CEP85L: variants seen among roughly 807,000 people sequenced by gnomAD.
The protein encoded by CEP85L is centrosomal protein of 85 kDa-like.
CEP85L carries 60 observed loss-of-function variants against 100.3 expected under a neutral mutation model. That is an observed-to-expected ratio of 0.60 (90% CI 0.49 to 0.74). The LOEUF is 0.74. Among genes scored for constraint, CEP85L ranks in the 30% least tolerant of loss-of-function variants. CEP85L has a pLI of 0.00. For missense variants in CEP85L, 973 were observed against 936.2 expected, an observed-to-expected ratio of 1.04 and a Z score of -0.51; for synonymous variants, 319 against 322.7, an observed-to-expected ratio of 0.99 and a Z score of 0.12.
At chr6:118,684,144 C>A (rs1164764295) in intron 1 of CEP85L, among the ~76,000 whole-genome samples, 1 of 152,118 alleles carries the variant, frequency 6.6e-6, no homozygotes, top group African/African-American at 2.4e-5. Flanking sequence ...TAAAAAATAG[C>A]GATTAAAAAT....
chr6:118,697,218 C>A (rs1408186188), intron 1 of CEP85L, among the ~76,000 whole-genome samples: 1 of 152,138 alleles, frequency 6.6e-6, no homozygotes, highest in Non-Finnish European at 1.5e-5. Context: ...GACACCTGTA[C>A]AAATCTGAAG....
upstream of CEP85L, chr6:118,652,031 G>T: frequency 2.1e-6 from 1 of 467,976 alleles, no homozygotes; most frequent in Non-Finnish European, 2.8e-6. Context: ...ATCCTCATCT[G>T]TATTCCTTCG....
At chr6:118,650,288 A>ATT (rs1346852613) in intron 1 of CEP85L, among the ~76,000 whole-genome samples, 1 of 152,220 alleles carries the variant, frequency 6.6e-6, no homozygotes, top group Non-Finnish European at 1.5e-5. Flanking sequence ...AAAACTCAAG[A>ATT]TTAAAAGTGC....
chr6:118,623,507 C>T (rs1773583921), intron 2 of CEP85L, among the ~76,000 whole-genome samples: 1 of 152,186 alleles, frequency 6.6e-6, no homozygotes, highest in Admixed American at 6.5e-5. Flanking sequence ...TTCCAAGGCA[C>T]TAGGAATACA....
chr6:118,547,448 A>G (rs1257795643), intron 3 of CEP85L, among the ~76,000 whole-genome samples: 1 of 152,118 alleles, frequency 6.6e-6, no homozygotes, highest in African/African-American at 2.4e-5. Context: ...AGCCTCATTA[A>G]CTGAGATGTA....
Position 118,567,237 on chromosome 6 carries a change from GTGTGTGTGTGTGTATATATA to G in CEP85L, c.233-941_233-922del, listed in dbSNP as rs1382989895. On this transcript the variant is annotated intron_variant, in intron 2 of 12. Transcript: ENST00000368491. ...TGTGTGTGTGTGTGTGTGTGTGTGT[GTGTGTGTGTGTGTATATATA>G]TATATATATATATATATATATATAT... 9.2e-3 allele frequency among the ~76,000 whole-genome samples: 795 copies of G among 86,748 alleles called. 4 individuals carry two copies. The highest frequency in any genetic ancestry group is 0.015 in the African/African-American group (285 of 18,888). 56.9% of individuals were successfully genotyped at this position (86,748 alleles called of 152,430 possible).
chr6:118,696,525 AT>A (rs1346795697), intron 1 of CEP85L, among the ~76,000 whole-genome samples: 3 of 152,188 alleles, frequency 2.0e-5, no homozygotes, highest in Non-Finnish European at 4.4e-5. Flanking sequence ...AAAGGTCCAT[AT>A]TGTTGAGCTT....
rs965934880 is a variant in CEP85L, at chr6:118,461,611, A to G, written c.*3794T>C. 2 of 152,116 alleles carry G rather than the reference A, an allele frequency of 1.3e-5. No individual in the cohort carries two copies. Among genetic ancestry groups the G allele is most frequent in the African/African-American group, 4.8e-5 (2 of 41,456 alleles). 9.4% of individuals were successfully genotyped at this position (152,116 alleles called of 1,614,324 possible). On this transcript the variant is annotated 3_prime_UTR_variant, in exon 13 of 13. Transcript: ENST00000368491. Reference sequence around the variant, plus strand: ...ATTCTTATATTTAGCACTTTTTTAAATAAGAAAAAAAATCCAAAATCTTTC... The same window carrying G: ...ATTCTTATATTTAGCACTTTTTTAAGTAAGAAAAAAAATCCAAAATCTTTC...
intron 1 of CEP85L, among the ~76,000 whole-genome samples, chr6:118,663,867 CTGTTA>C (rs1312122399): frequency 6.6e-6 from 1 of 151,068 alleles, no homozygotes; most frequent in Non-Finnish European, 1.5e-5. Flanking sequence ...ATGTAAATAG[CTGTTA>C]TGTTGTTTTT....
intron 3 of CEP85L, among the ~76,000 whole-genome samples, chr6:118,526,909 T>A (rs1259390334): frequency 6.6e-6 from 1 of 151,758 alleles, no homozygotes; most frequent in Non-Finnish European, 1.5e-5. Flanking sequence ...TTGTTTAGCA[T>A]ATGATCAAGA....
chr6:118,662,561 GTTA>G (rs1776010255), intron 1 of CEP85L, among the ~76,000 whole-genome samples: 1 of 151,400 alleles, frequency 6.6e-6, no homozygotes, highest in Admixed American at 6.6e-5. Flanking sequence ...AATAGTATGA[GTTA>G]TTATTATCTC....
chr6:118,554,935 G>C (rs1289894189), intron 3 of CEP85L, among the ~76,000 whole-genome samples: 1 of 152,148 alleles, frequency 6.6e-6, no homozygotes, highest in East Asian at 1.9e-4. Context: ...CAACGTAGGG[G>C]ATGACTCCTG....
intron 2 of CEP85L, among the ~76,000 whole-genome samples, chr6:118,590,176 T>C (rs1466558607): frequency 6.6e-6 from 1 of 152,120 alleles, no homozygotes; most frequent in Non-Finnish European, 1.5e-5. Context: ...ATGCACTCCC[T>C]GCTGCAAACT....
chr6:118,686,953 C>T lies in CEP85L; in HGVS notation c.-28+23083G>A, dbSNP rs150888737. ...GCCTTTCCATAGCCACAGGACTCTA[C>T]CTCATCTGACCTCAGCTGACATGTT... On this transcript the variant is annotated intron_variant, in intron 1 of 13. Transcript: ENST00000368488. 3.3e-3 allele frequency among the ~76,000 whole-genome samples: 509 copies of T among 152,254 alleles called. 1 individual carries two copies. The highest frequency in any genetic ancestry group is 0.012 in the African/African-American group (490 of 41,548).
chr6:118,498,615 G>A (rs1213680138), intron 5 of CEP85L, among the ~76,000 whole-genome samples: 1 of 134,892 alleles, frequency 7.4e-6, no homozygotes, highest in African/African-American at 2.7e-5. Flanking sequence ...AAAAAAAATA[G>A]AGAGAGAGAA....
intron 5 of CEP85L, among the ~76,000 whole-genome samples, chr6:118,494,885 T>C (rs751946762): frequency 5.9e-5 from 9 of 152,124 alleles, no homozygotes; most frequent in Non-Finnish European, 1.0e-4. Flanking sequence ...CCAGGGATTT[T>C]TGACAACTAG....
chr6:118,522,536 G>C (rs182491301), intron 4 of CEP85L, among the ~76,000 whole-genome samples: 1 of 152,110 alleles, frequency 6.6e-6, no homozygotes, highest in East Asian at 1.9e-4. Context: ...TATCAAGTAT[G>C]GAAGTATCAA....
chr6:118,476,276 T>C (rs1253166831), intron 10 of CEP85L, among the ~76,000 whole-genome samples: 3 of 152,028 alleles, frequency 2.0e-5, no homozygotes, highest in Admixed American at 1.3e-4. Context: ...AAGACTACAG[T>C]GTGTGCGTTT....
At chr6:118,709,998 A>T (rs1777735734) in intron 1 of CEP85L, 1 of 152,236 alleles carries the variant, frequency 6.6e-6, no homozygotes, top group Non-Finnish European at 1.5e-5. Flanking sequence ...TAAGAGAAAA[A>T]AAAAGGAAAA....
Sources: gnomAD v4.1 joint callset for allele counts (sites outside exome capture counted in the v4.1 genomes callset) on GRCh38, gnomAD v4.1.1 for gene constraint, MANE v1.5 for transcripts, NCBI Gene and HGNC (gene_info 2026-07-23, HGNC 2026-07-21) for gene names.